The following LIMCH1 variants were observed in gnomAD, a reference collection of about 807,000 sequenced individuals.
LIMCH1 encodes the protein LIM and calponin homology domains-containing protein 1.
Under a neutral mutation model 176.5 loss-of-function variants are expected in LIMCH1, and 113 were observed. That is an observed-to-expected ratio of 0.64 (90% CI 0.55 to 0.75). The LOEUF (loss-of-function observed/expected upper bound fraction) is 0.75, where lower values mean the gene tolerates loss of function less well. LIMCH1 is among the 30% of genes least tolerant of loss of function. The probability of loss-of-function intolerance (pLI) is 0.00; values close to 1 mark genes in which losing one functional copy is unlikely to be tolerated. For synonymous variants in LIMCH1, 619 were observed against 645.9 expected, an observed-to-expected ratio of 0.96 and a Z score of 0.63; for missense variants, 1,674 against 1,814.9, an observed-to-expected ratio of 0.92 and a Z score of 1.41.
At chr4:41,556,086 G>C (rs1211753939) in intron 1 of LIMCH1, among the ~76,000 whole-genome samples, 1 of 151,936 alleles carries the variant, frequency 6.6e-6, no homozygotes, top group Non-Finnish European at 1.5e-5. Context: ...CTCATTGAAA[G>C]GTAGTATGTA....
At chr4:41,417,849 T>G (rs2060078964) in intron 1 of LIMCH1, among the ~76,000 whole-genome samples, 1 of 152,166 alleles carries the variant, frequency 6.6e-6, no homozygotes, top group Admixed American at 6.5e-5. Context: ...AAAATTTGGT[T>G]TGAAAAATTT....
At chr4:41,426,705 A>G (rs2061142192) in intron 1 of LIMCH1, among the ~76,000 whole-genome samples, 1 of 152,164 alleles carries the variant, frequency 6.6e-6, no homozygotes, top group African/African-American at 2.4e-5. Flanking sequence ...TTGGCACGGA[A>G]ACATTATTGC....
At chr4:41,433,246 A>G (rs2061758407) in intron 1 of LIMCH1, among the ~76,000 whole-genome samples, 1 of 152,156 alleles carries the variant, frequency 6.6e-6, no homozygotes, top group Admixed American at 6.5e-5. Flanking sequence ...TGCTTACTCT[A>G]GTCGTTTTGC....
chr4:41,405,745 C>A (rs903793555), intron 1 of LIMCH1, among the ~76,000 whole-genome samples: 1 of 152,120 alleles, frequency 6.6e-6, no homozygotes, highest in Admixed American at 6.6e-5. Context: ...AAATTATCAC[C>A]TATACCCCTA....
At chr4:41,695,061 C>T (rs542956585) in intron 31 of LIMCH1, among the ~76,000 whole-genome samples, 33 of 152,024 alleles carry the variant, frequency 2.2e-4, no homozygotes, top group African/African-American at 7.2e-4. Flanking sequence ...AGCCTTTGCC[C>T]ATTCTTCTAT....
At chr4:41,488,489 C>G (rs1161643202) in intron 1 of LIMCH1, among the ~76,000 whole-genome samples, 2 of 152,134 alleles carry the variant, frequency 1.3e-5, no homozygotes, top group Non-Finnish European at 2.9e-5. Context: ...TTCTTACCCT[C>G]CCTCAAATAA....
chr4:41,633,946 C>A, intron 13 of LIMCH1, 138 bp downstream of exon 13: 1 of 957,096 alleles, frequency 1.0e-6, no homozygotes, highest in Non-Finnish European at 1.5e-6. Flanking sequence ...TTGGCCTCAT[C>A]TGCGAAGAAA....
chr4:41,362,367 G>A (rs910341372), intron 1 of LIMCH1, among the ~76,000 whole-genome samples: 1 of 152,188 alleles, frequency 6.6e-6, no homozygotes, highest in African/African-American at 2.4e-5. Flanking sequence ...TGGCTGGAAC[G>A]GTTTGGCGTG....
chr4:41,541,300 T>A (rs909902024), intron 1 of LIMCH1, among the ~76,000 whole-genome samples: 7 of 131,134 alleles, frequency 5.3e-5, no homozygotes, highest in African/African-American at 2.0e-4. Flanking sequence ...GAGTGTAGAT[T>A]CGGGAAGGCT....
chr4:41,536,368 G>A (rs1035918492), upstream of LIMCH1, among the ~76,000 whole-genome samples: 4 of 152,070 alleles, frequency 2.6e-5, no homozygotes, highest in South Asian at 8.3e-4. Context: ...TAATTAGCTG[G>A]CTTTCTGCTA....
chr4:41,659,787 T>G (rs1008961782), intron 18 of LIMCH1, among the ~76,000 whole-genome samples: 2 of 152,160 alleles, frequency 1.3e-5, no homozygotes, highest in Non-Finnish European at 2.9e-5. Context: ...CTCTCTTTAA[T>G]TATCAAAATA....
chr4:41,472,040 T>C (rs2067034815), intron 1 of LIMCH1, among the ~76,000 whole-genome samples: 1 of 152,246 alleles, frequency 6.6e-6, no homozygotes, highest in Non-Finnish European at 1.5e-5. Context: ...CTTTATGGTT[T>C]AAAAGATTCT....
intron 1 of LIMCH1, among the ~76,000 whole-genome samples, chr4:41,462,605 A>T (rs1199941404): frequency 1.3e-5 from 2 of 152,238 alleles, no homozygotes; most frequent in Non-Finnish European, 2.9e-5. Context: ...TACGTAAGTC[A>T]TCAGTTGGTG....
At position 41,494,386 on chromosome 4, in the gene LIMCH1, T is replaced by C. The variant is rs1215156676; in HGVS notation, c.97-150T>C. ...ATACACATACATATATACACATACA[T>C]ACATATACGTACATACACATAAACA... On this transcript the variant is annotated intron_variant, in intron 1 of 26. Coordinates refer to the LIMCH1 transcript ENST00000313860. 6 of 525,604 alleles carry C rather than the reference T, an allele frequency of 1.1e-5. No individual in the cohort carries two copies. In the East Asian group the frequency reaches 1.9e-4, roughly 17 times the overall value. The allele number at this position is 525,604 out of a possible 1,614,324, so 32.6% of individuals were successfully genotyped here. A position where few individuals can be genotyped will look rare whatever the true frequency, so the allele number is the denominator to read the frequency against.
In LIMCH1 at chr4:41,595,539, G is replaced by A. The variant is rs1437805133; in HGVS notation, c.-240-3381G>A. 2.0e-5 allele frequency among the ~76,000 whole-genome samples: 3 copies of A among 152,246 alleles called. No homozygotes were observed. The East Asian group carries it at 5.8e-4, about 29-fold the overall frequency. ...GAAAATGGAGACAATAACAGTACCT[G>A]CTGTGTATGGCTGTTTTGAAAATAA... is the stretch of plus-strand genomic sequence containing the variant. On this transcript the variant is annotated intron_variant, in intron 1 of 31. Transcript: ENST00000503057.
intron 1 of LIMCH1, among the ~76,000 whole-genome samples, chr4:41,477,261 G>A (rs2067888618): frequency 6.6e-6 from 1 of 152,182 alleles, no homozygotes; most frequent in Admixed American, 6.5e-5. Context: ...GAGCACTTTT[G>A]TGTAAATTAG....
chr4:41,637,297 T>C (rs373577308), intron 13 of LIMCH1, among the ~76,000 whole-genome samples: 18 of 152,304 alleles, frequency 1.2e-4, no homozygotes, highest in South Asian at 6.2e-4. Context: ...CAAGTGATTC[T>C]CCTGCCTCAC....
At chr4:41,524,437 G>C in exon 3 of LIMCH1, 1 of 1,613,932 alleles carries the variant, frequency 6.2e-7, no homozygotes, top group Non-Finnish European at 8.5e-7. Flanking sequence ...GCCAGGACTT[G>C]TTAAAAAGAT....
At chr4:41,489,581 T>A (rs1398427603) in intron 1 of LIMCH1, among the ~76,000 whole-genome samples, 1 of 152,178 alleles carries the variant, frequency 6.6e-6, no homozygotes, top group East Asian at 1.9e-4. Context: ...TAAAAATATT[T>A]GGGGATTTTC....
Sources: allele counts gnomAD v4.1 joint callset (sites outside exome capture counted in the v4.1 genomes callset), GRCh38; gene constraint gnomAD v4.1.1; transcripts MANE v1.5; gene names NCBI Gene and HGNC (gene_info 2026-07-23, HGNC 2026-07-21).